Variants in CLK3 observed in about 807,000 individuals in gnomAD.
CLK3 encodes the protein dual specificity protein kinase CLK3.
A neutral mutation model predicts 65.2 loss-of-function variants in CLK3; 24 were observed. The observed-to-expected ratio is 0.37, with a 90% CI of 0.27 to 0.52. The LOEUF (loss-of-function observed/expected upper bound fraction) is 0.52, where lower values mean the gene tolerates loss of function less well. CLK3 is among the 20% of genes least tolerant of loss of function. The pLI, the probability that CLK3 is intolerant of heterozygous loss-of-function variation, is 0.92. For synonymous variants in CLK3, 252 were observed against 240.8 expected (o/e 1.05, Z -0.43); for missense variants, 506 against 660.0 (o/e 0.77, Z 2.56).
At chr15:74,614,355 C>T (rs1316880134), upstream of CLK3, among the ~76,000 whole-genome samples, 2 of 152,104 alleles carry the variant, frequency 1.3e-5, no homozygotes, top group African/African-American at 2.4e-5. Flanking sequence ...CTTCTGTCGA[C>T]CAGGCTGGAG....
chr15:74,624,539 C>CAG lies in CLK3; in HGVS notation c.534-363_534-362insAG. On this transcript the variant is annotated intron_variant, in intron 5 of 12. Transcript: ENST00000395066. The surrounding 1 kb of genome is among the most constrained non-coding windows in gnomAD (Gnocchi z 4.2). The stretch of plus-strand genomic sequence containing the variant: ...GAGGGTTCTCGGTGGGACAGCCTGG[C>CAG]CAGGGTTGGGGCTGCCTGGCCTATA... 5.1e-6 allele frequency: 1 copy of CAG among 194,344 alleles called. No homozygotes were observed. The highest frequency in any genetic ancestry group is 1.8e-4 in the South Asian group (1 of 5,590). The allele number at this position is 194,344 out of a possible 1,614,324, so 12.0% of individuals were successfully genotyped here. A position where few individuals can be genotyped will look rare whatever the true frequency, so the allele number is the denominator to read the frequency against.
rs2062082666 is a variant in CLK3, at chr15:74,619,217, C to T, written c.21C>T (p.Tyr7=). The T allele has an allele frequency of 1.2e-6, 2 of 1,614,146 alleles. No homozygotes were observed. Among genetic ancestry groups the T allele is most frequent in the Non-Finnish European group, 1.7e-6 (2 of 1,179,990 alleles). ...CCTAGATGCATCACTGTAAGCGATACCGCTCCCCTGAACCAGACCCGTACC... is the reference window on the plus strand; with the variant it reads ...CCTAGATGCATCACTGTAAGCGATATCGCTCCCCTGAACCAGACCCGTACC... MHHCKR[Y]RSPEPDPYLS... Residue 7 remains tyrosine (Y), a synonymous_variant, in exon 2 of 13, where the codon TAC becomes TAT. Transcript: ENST00000395066.
Position 74,624,552 on chromosome 15 carries a change from T to G in CLK3, c.534-350T>G, listed in dbSNP as rs1288042214. The G allele has an allele frequency of 1.6e-5, 4 of 254,958 alleles. No individual in the cohort carries two copies. The South Asian group carries it at 2.7e-4, about 17-fold the overall frequency. The allele number at this position is 254,958 out of a possible 1,614,324, so 15.8% of individuals were successfully genotyped here. On this transcript the variant is annotated intron_variant, in intron 5 of 12. Transcript: ENST00000395066. This position sits in a 1 kb window ranked among gnomAD's most constrained non-coding sequence, Gnocchi z 4.2. Reference sequence around the variant, plus strand: ...GGGACAGCCTGGCCAGGGTTGGGGCTGCCTGGCCTATAGGTTAGGTCACTG... The same window carrying G: ...GGGACAGCCTGGCCAGGGTTGGGGCGGCCTGGCCTATAGGTTAGGTCACTG...
At chr15:74,617,947 CG>C (rs980049221) in intron 1 of CLK3, among the ~76,000 whole-genome samples, 3 of 152,150 alleles carry the variant, frequency 2.0e-5, no homozygotes, top group African/African-American at 7.2e-5. Flanking sequence ...CCCAGGTACA[CG>C]GGGGAAGACA....
intron 1 of CLK3, 135 bp downstream of exon 1, chr15:74,616,033 C>T (rs1248378876): frequency 2.6e-5 from 17 of 655,466 alleles, no homozygotes; most frequent in Non-Finnish European, 3.5e-5. Flanking sequence ...TATCGGGCCG[C>T]GACCTCTCAC....
intron 12 of CLK3, 125 bp downstream of exon 12, chr15:74,629,157 G>A (rs775092959): frequency 2.9e-5 from 23 of 789,352 alleles, no homozygotes; most frequent in Admixed American, 5.9e-5. Flanking sequence ...TATGGGAGGC[G>A]GCACCCAAGA....
intron 7 of CLK3, 102 bp downstream of exon 7, chr15:74,626,070 T>C: frequency 1.5e-6 from 2 of 1,323,546 alleles, no homozygotes; most frequent in East Asian, 4.6e-5. Context: ...TACTAACCAT[T>C]CTCCTGGGCC....
At chr15:74,611,410 C>A (rs2061987915), upstream of CLK3, among the ~76,000 whole-genome samples, 1 of 152,232 alleles carries the variant, frequency 6.6e-6, no homozygotes, top group Non-Finnish European at 1.5e-5. Context: ...CAGGGCCTCA[C>A]TTTCTGCTTT....
At chr15:74,615,639 C>T (rs567932760), upstream of CLK3, 917 of 1,251,930 alleles carry the variant, frequency 7.3e-4, 8 homozygotes, top group African/African-American at 0.013. Context: ...GGAGGCGGGC[C>T]GGGCCAGGCT....
chr15:74,612,504 G>A (rs970618993), upstream of CLK3, among the ~76,000 whole-genome samples: 31 of 152,190 alleles, frequency 2.0e-4, no homozygotes, highest in African/African-American at 5.8e-4. Flanking sequence ...CCCTGGGCAC[G>A]AGGCACCCTG....
At chr15:74,608,587 G>C (rs548954144) in intron 1 of CLK3, 1 of 152,420 alleles carries the variant, frequency 6.6e-6, no homozygotes, top group Admixed American at 6.5e-5. Flanking sequence ...ACCCTGACTT[G>C]CACCCAGCAG....
intron 10 of CLK3, 34 bp from the exon 11 acceptor site, chr15:74,628,569 AC>A (rs1567145650): frequency 6.6e-7 from 1 of 1,506,100 alleles, no homozygotes; most frequent in East Asian, 2.3e-5. Context: ...CAGAGCTAGT[AC>A]TGACCCCCTT....
rs1433466082 is a variant in CLK3 at position 74,627,975 on chromosome 15, G to A, written c.1048G>A (p.Gly350Ser). Residue 350 changes from glycine to serine, a missense_variant, in exon 10 of 13, where the codon GGC becomes AGC. By Grantham distance (56) the Gly-to-Ser change is moderately conservative (BLOSUM62 0). This residue lies in a region of CLK3 where 325 missense variants were observed against 500.5 expected (regional missense o/e 0.65). Coordinates refer to ENST00000395066, the MANE Select transcript of CLK3 (RefSeq NM_001130028.2). This position sits in a 1 kb window ranked among gnomAD's most constrained non-coding sequence, Gnocchi z 4.3. ...YRPPEVILELGWAQPCDVWSI... is the reference protein window; with the variant it reads ...YRPPEVILELSWAQPCDVWSI... ...CTCCCCATCTTGGCTTGCAGAGCTGGGCTGGGCACAGCCCTGTGACGTCTG... is the reference window on the plus strand; with the variant it reads ...CTCCCCATCTTGGCTTGCAGAGCTGAGCTGGGCACAGCCCTGTGACGTCTG... 6.2e-7 allele frequency: 1 copy of A among 1,612,618 alleles called. No individual in the cohort carries two copies. The highest frequency in any genetic ancestry group is 1.3e-5 in the African/African-American group (1 of 74,920).
In CLK3 at chr15:74,622,468, C is replaced by A; in HGVS notation, c.467-26C>A. The A allele has an allele frequency of 6.3e-7, 1 of 1,583,258 alleles. No homozygotes were observed. Among genetic ancestry groups the A allele is most frequent in the South Asian group, 1.2e-5 (1 of 86,704 alleles). ...GCCAACCCCCTGCCCTCCAGATTCT[C>A]ATGCCCAATTTCTTTTCTCTCCTAG... is the stretch of plus-strand genomic sequence containing the variant. On this transcript the variant is annotated intron_variant, in intron 4 of 12. Coordinates refer to ENST00000395066, the MANE Select transcript of CLK3 (RefSeq NM_001130028.2). The surrounding 1 kb of genome is among the most constrained non-coding windows in gnomAD (Gnocchi z 4.6).
At position 74,629,880 on chromosome 15, in the gene CLK3, A is replaced by G; in HGVS notation, c.1470A>G (p.Arg490=). 1.2e-6 allele frequency: 2 copies of G among 1,607,536 alleles called. No individual in the cohort carries two copies. Among genetic ancestry groups the G allele is most frequent in the Non-Finnish European group, 1.7e-6 (2 of 1,177,194 alleles). The change falls in exon 13 of 13, where the codon AGA becomes AGG. Residue 490 remains arginine, a synonymous_variant. Transcript: ENST00000395066. ...RSFHTSRNPS[R] is the part of the protein sequence containing the mutation. Reference sequence around the variant, plus strand: ...TCCACACCAGCCGCAACCCAAGCAGATGACAGGCACAGGCCACCGCATGAG... The same window carrying G: ...TCCACACCAGCCGCAACCCAAGCAGGTGACAGGCACAGGCCACCGCATGAG...
chr15:74,625,583 C>T (rs997922304), intron 6 of CLK3, among the ~76,000 whole-genome samples: 7 of 152,164 alleles, frequency 4.6e-5, no homozygotes, highest in Non-Finnish European at 8.8e-5. Context: ...CCCTACCCCC[C>T]GCAGGAAGCT....
intron 12 of CLK3, 67 bp downstream of exon 12, chr15:74,629,099 C>A (rs1398117412): frequency 1.3e-5 from 16 of 1,196,018 alleles, no homozygotes; most frequent in Non-Finnish European, 1.9e-5. Context: ...GGCAGACATA[C>A]AGCAGAGACA....
intron 6 of CLK3, 24 bp from the exon 7 acceptor site, chr15:74,625,778 G>A: frequency 1.2e-6 from 2 of 1,613,322 alleles, no homozygotes; most frequent in Non-Finnish European, 1.7e-6. Flanking sequence ...CACAGCCTGA[G>A]CCCTGCCCAT....
chr15:74,625,775 T>C (rs370623631), intron 6 of CLK3, 27 bp from the exon 7 acceptor site: 8 of 1,613,030 alleles, frequency 5.0e-6, no homozygotes, highest in Non-Finnish European at 6.8e-6. Context: ...GCACACAGCC[T>C]GAGCCCTGCC....
Sources: allele counts gnomAD v4.1 joint callset (sites outside exome capture counted in the v4.1 genomes callset), GRCh38; gene constraint gnomAD v4.1.1; regional missense constraint gnomAD v4.1.1; non-coding constraint Gnocchi (gnomAD v3.1); transcripts MANE v1.5; gene names NCBI Gene and HGNC (gene_info 2026-07-23, HGNC 2026-07-21).